The following NRXN3 variants were observed in gnomAD, a reference collection of about 807,000 sequenced individuals.
The protein encoded by NRXN3 is neurexin 3.
Under a neutral mutation model 137.6 loss-of-function variants are expected in NRXN3, and 32 were observed. The ratio of observed to expected loss-of-function variants is 0.23; its 90% confidence interval spans 0.18 to 0.31. The LOEUF is 0.31. Ranked by LOEUF, NRXN3 falls within the 10% of genes least tolerant of loss-of-function variation. The pLI is 1.00. For missense variants in NRXN3, 1,574 were observed against 2,062.5 expected, an observed-to-expected ratio of 0.76 and a Z score of 4.59; for synonymous variants, 798 against 784.5, an observed-to-expected ratio of 1.02 and a Z score of -0.29.
chr14:78,212,433 C>T (rs1001897269), intron 1 of NRXN3, among the ~76,000 whole-genome samples: 3 of 152,198 alleles, frequency 2.0e-5, no homozygotes, highest in Non-Finnish European at 4.4e-5. Flanking sequence ...TGTAGATTCT[C>T]TTGAGGACTA....
rs574275006 is a variant in NRXN3 at position 79,790,655 on chromosome 14, C to G, written c.4015-14457C>G. Among the ~76,000 whole-genome samples, 142 of 128,030 alleles carry G rather than the reference C, an allele frequency of 1.1e-3. 1 individual carries two copies. The highest frequency in any genetic ancestry group is 1.8e-3 in the Admixed American group (19 of 10,510). 84.0% of individuals were successfully genotyped at this position (128,030 alleles called of 152,430 possible). A position where few individuals can be genotyped will look rare whatever the true frequency, so the allele number is the denominator to read the frequency against. On this transcript the variant is annotated intron_variant, in intron 19 of 20. Transcript: ENST00000335750. Reference sequence around the variant, plus strand: ...TTTTTTTTTGAGACAGAGTCTCGCTCTGTCACCTAGGCTAGAGTGCAGTGG... The same window carrying G: ...TTTTTTTTTGAGACAGAGTCTCGCTGTGTCACCTAGGCTAGAGTGCAGTGG...
chr14:79,022,327 T>C (rs2099591116), intron 15 of NRXN3, among the ~76,000 whole-genome samples: 2 of 152,188 alleles, frequency 1.3e-5, no homozygotes, highest in South Asian at 4.1e-4. Context: ...AGGAATTTAA[T>C]AAATGCTTCC....
intron 10 of NRXN3, among the ~76,000 whole-genome samples, chr14:78,828,801 T>C (rs957550930): frequency 2.6e-5 from 4 of 152,344 alleles, no homozygotes; most frequent in African/African-American, 9.6e-5. Context: ...TCTCTCCTTA[T>C]AAGATTTGCA....
chr14:79,358,557 CT>C (rs1157443713), intron 15 of NRXN3, among the ~76,000 whole-genome samples: 2 of 65,696 alleles, frequency 3.0e-5, no homozygotes, highest in South Asian at 1.0e-3. Flanking sequence ...CTGACTCTGT[CT>C]CAAAAAAAAA....
chr14:78,653,900 A>T (rs2097766423), intron 6 of NRXN3, among the ~76,000 whole-genome samples: 1 of 152,224 alleles, frequency 6.6e-6, no homozygotes, highest in Non-Finnish European at 1.5e-5. Flanking sequence ...TAGCAGCACA[A>T]ATATGCATTT....
chr14:78,729,623 G>C (rs1346060252), intron 8 of NRXN3, among the ~76,000 whole-genome samples: 2 of 152,120 alleles, frequency 1.3e-5, no homozygotes, highest in Admixed American at 6.5e-5. Flanking sequence ...AAAACTTTTG[G>C]CTCATCATAA....
chr14:78,315,752 T>C (rs546966356), intron 4 of NRXN3, among the ~76,000 whole-genome samples: 11 of 152,198 alleles, frequency 7.2e-5, no homozygotes, highest in Admixed American at 3.3e-4. Flanking sequence ...GGTAAAAATA[T>C]CTCAGCATTT....
At chr14:79,482,451 T>G (rs1480918338) in intron 16 of NRXN3, among the ~76,000 whole-genome samples, 1 of 152,206 alleles carries the variant, frequency 6.6e-6, no homozygotes, top group Admixed American at 6.5e-5. Flanking sequence ...GCTCTCTCGC[T>G]ATCTGGTTCT....
intron 4 of NRXN3, among the ~76,000 whole-genome samples, chr14:78,589,399 C>A (rs960608196): frequency 6.6e-6 from 1 of 152,158 alleles, no homozygotes; most frequent in African/African-American, 2.4e-5. Flanking sequence ...TCCAGCCTCC[C>A]ACATGAAGCT....
chr14:78,929,813 A>G (rs1438121495), intron 10 of NRXN3, among the ~76,000 whole-genome samples: 2 of 152,210 alleles, frequency 1.3e-5, no homozygotes, highest in South Asian at 4.1e-4. Flanking sequence ...TATGGAGAGA[A>G]AAGACCATTA....
intron 4 of NRXN3, among the ~76,000 whole-genome samples, chr14:78,533,514 T>G (rs1310316875): frequency 3.3e-5 from 5 of 152,190 alleles, no homozygotes; most frequent in Admixed American, 3.3e-4. Flanking sequence ...ACGATCCATC[T>G]CCTGCCATTT....
At chr14:79,119,048 A>T (rs2054963595) in intron 15 of NRXN3, among the ~76,000 whole-genome samples, 1 of 152,172 alleles carries the variant, frequency 6.6e-6, no homozygotes, top group Non-Finnish European at 1.5e-5. Flanking sequence ...AAACTTTTAA[A>T]ACCCAAATTT....
At chr14:78,996,110 C>A (rs1334202363) in intron 15 of NRXN3, among the ~76,000 whole-genome samples, 1 of 152,114 alleles carries the variant, frequency 6.6e-6, no homozygotes, top group East Asian at 1.9e-4. Flanking sequence ...TTTCCCCTAA[C>A]TTTTGCCCTA....
At chr14:78,819,472 G>A (rs2098944326) in intron 10 of NRXN3, among the ~76,000 whole-genome samples, 1 of 152,144 alleles carries the variant, frequency 6.6e-6, no homozygotes, top group Non-Finnish European at 1.5e-5. Flanking sequence ...ATAGGAGGAT[G>A]TACATAGTTT....
intron 1 of NRXN3, among the ~76,000 whole-genome samples, chr14:78,193,809 A>G (rs1021876404): frequency 4.0e-4 from 60 of 151,392 alleles, no homozygotes; most frequent in African/African-American, 1.4e-3. Flanking sequence ...CAGAAGACAG[A>G]GTTCAGAGTT....
chr14:79,310,000 C>G (rs2086916952), intron 15 of NRXN3, among the ~76,000 whole-genome samples: 1 of 127,636 alleles, frequency 7.8e-6, no homozygotes, highest in Admixed American at 7.6e-5. Context: ...GACATGAAGT[C>G]CTTGCCCACG....
At chr14:78,892,440 C>T (rs535207070) in intron 10 of NRXN3, among the ~76,000 whole-genome samples, 84 of 151,980 alleles carry the variant, frequency 5.5e-4, no homozygotes, top group Non-Finnish European at 1.1e-3. Context: ...TAAAATCAGG[C>T]AGTGGAAATC....
chr14:78,388,616 C>T (rs931636324), intron 4 of NRXN3, among the ~76,000 whole-genome samples: 5 of 151,984 alleles, frequency 3.3e-5, no homozygotes, highest in Admixed American at 1.3e-4. Context: ...TTTTGCTCTA[C>T]GATGGTAGAG....
intron 2 of NRXN3, among the ~76,000 whole-genome samples, chr14:78,274,747 G>C (rs978197725): frequency 2.0e-5 from 3 of 152,242 alleles, no homozygotes; most frequent in African/African-American, 4.8e-5. Flanking sequence ...ATGCTGAAGA[G>C]AGTGGGTGAA....
Sources: allele counts gnomAD v4.1 joint callset (sites outside exome capture counted in the v4.1 genomes callset), GRCh38; gene constraint gnomAD v4.1.1; transcripts MANE v1.5; gene names NCBI Gene and HGNC (gene_info 2026-07-23, HGNC 2026-07-21).